Variants in MEI4 observed in about 807,000 individuals in gnomAD.
The protein encoded by MEI4 is meiotic double-stranded break formation protein 4.
In MEI4, 27 loss-of-function variants were observed where a neutral mutation model predicts 31.4. That is an observed-to-expected ratio of 0.86 (90% CI 0.63 to 1.19). The LOEUF is 1.19. MEI4 is among the 50% of genes most tolerant of loss of function. The pLI is 0.00. For missense variants in MEI4, 329 were observed against 398.9 expected (o/e 0.82, Z 1.49); for synonymous variants, 122 against 145.4 (o/e 0.84, Z 1.16).
chr6:77,750,799 C>T (rs189661649), intron 2 of MEI4, among the ~76,000 whole-genome samples: 1 of 152,130 alleles, frequency 6.6e-6, no homozygotes, highest in East Asian at 1.9e-4. Flanking sequence ...ACTCTCCACC[C>T]CAAATCAACA....
chr6:77,919,637 A>G (rs918186962), intron 4 of MEI4, among the ~76,000 whole-genome samples: 1,869 of 151,234 alleles, frequency 0.012, 18 homozygotes, highest in Non-Finnish European at 0.018. Context: ...AAGGCAAGAA[A>G]TAACTAAAAT....
intron 4 of MEI4, among the ~76,000 whole-genome samples, chr6:77,842,355 T>C (rs1770385171): frequency 6.6e-6 from 1 of 152,000 alleles, no homozygotes; most frequent in South Asian, 2.1e-4. Flanking sequence ...AGAAAAAAAT[T>C]GAAGTGAAAG....
At chr6:77,830,883 A>C (rs1187674697) in intron 4 of MEI4, among the ~76,000 whole-genome samples, 7 of 152,090 alleles carry the variant, frequency 4.6e-5, no homozygotes, top group East Asian at 3.8e-4. Flanking sequence ...ACAAACAATA[A>C]AAGCAAAAAT....
At chr6:77,737,397 T>C (rs112203203) in intron 2 of MEI4, among the ~76,000 whole-genome samples, 23 of 152,048 alleles carry the variant, frequency 1.5e-4, no homozygotes, top group African/African-American at 5.3e-4. Flanking sequence ...TAAAAGATTT[T>C]TAGTTGTTCT....
At chr6:77,696,088 T>G (rs1314762522) in intron 2 of MEI4, among the ~76,000 whole-genome samples, 1 of 152,230 alleles carries the variant, frequency 6.6e-6, no homozygotes, top group African/African-American at 2.4e-5. Flanking sequence ...TGTATAAGAA[T>G]GCTTGTGAGT....
Position 77,820,832 on chromosome 6 carries a change from G to C in MEI4, c.769-8099G>C, listed in dbSNP as rs536732435. ...ATACTTCTTTCCTCTGTGAATTCTT[G>C]TTGTTTCTTAGGCCTAAAAAACTTT... On this transcript the variant is annotated intron_variant, in intron 3 of 4. Coordinates refer to ENST00000684080, the MANE Select transcript of MEI4 (RefSeq NM_001322247.2). The surrounding 1 kb of genome is among the most constrained non-coding windows in gnomAD (Gnocchi z 4.5). 6.6e-6 allele frequency among the ~76,000 whole-genome samples: 1 copy of C among 150,852 alleles called. No homozygotes were observed. Among genetic ancestry groups the C allele is most frequent in the Admixed American group, 6.6e-5 (1 of 15,086 alleles).
chr6:77,676,631 A>G (rs937238001), intron 1 of MEI4, among the ~76,000 whole-genome samples: 1 of 152,154 alleles, frequency 6.6e-6, no homozygotes, highest in African/African-American at 2.4e-5. Context: ...GTGGTTGGTG[A>G]CTTCAGGCAA....
At chr6:77,803,685 C>G (rs944359572) in intron 3 of MEI4, among the ~76,000 whole-genome samples, 2 of 152,190 alleles carry the variant, frequency 1.3e-5, no homozygotes, top group African/African-American at 4.8e-5. Context: ...AGTTTTCCTT[C>G]TGTCATTCAG....
At chr6:77,834,623 G>A (rs1014051370) in intron 4 of MEI4, among the ~76,000 whole-genome samples, 1 of 151,902 alleles carries the variant, frequency 6.6e-6, no homozygotes, top group African/African-American at 2.4e-5. Context: ...GGTCCAAGCC[G>A]CTTGCAGTCT....
chr6:77,781,526 C>T (rs549393859), intron 3 of MEI4, among the ~76,000 whole-genome samples: 1 of 152,248 alleles, frequency 6.6e-6, no homozygotes, highest in South Asian at 2.1e-4. Context: ...ATTCAATTCT[C>T]ATTTTTAATA....
In MEI4 at chr6:77,792,436, G is replaced by A. The variant is rs116737587; in HGVS notation, c.768+30771G>A. On this transcript the variant is annotated intron_variant, in intron 3 of 4. Transcript: ENST00000684080. ...ACACTCACACCAGCAGTGTACAAGG[G>A]TTTCATTTTCTGCAAATTCTTGCCA... 4.5e-3 allele frequency among the ~76,000 whole-genome samples: 687 copies of A among 152,118 alleles called. 6 individuals carry two copies. The highest frequency in any genetic ancestry group is 0.016 in the African/African-American group (645 of 41,508).
chr6:77,831,542 C>T (rs1268119657), intron 4 of MEI4, among the ~76,000 whole-genome samples: 1 of 150,128 alleles, frequency 6.7e-6, no homozygotes, highest in African/African-American at 2.4e-5. Context: ...AATAATATTC[C>T]TCTCTCTCTA....
chr6:77,701,648 A>G (rs1254603010), intron 2 of MEI4, among the ~76,000 whole-genome samples: 1 of 152,004 alleles, frequency 6.6e-6, no homozygotes, highest in Non-Finnish European at 1.5e-5. Flanking sequence ...TATATTATGA[A>G]TATATTCATA....
At position 77,803,300 on chromosome 6, in the gene MEI4, C is replaced by T. The variant is rs139038273; in HGVS notation, c.769-25631C>T. 7.8e-3 allele frequency among the ~76,000 whole-genome samples: 1,184 copies of T among 152,306 alleles called. 17 individuals are homozygous for T. Among genetic ancestry groups the T allele is most frequent in the African/African-American group, 0.027 (1,135 of 41,572 alleles). ...GCTTGTGCATTCGTCACATAGCTCT[C>T]ATGCCATGGTTTTCAGCTCCATCAG... is the stretch of plus-strand genomic sequence containing the variant. On this transcript the variant is annotated intron_variant, in intron 3 of 4. Coordinates refer to ENST00000684080, the MANE Select transcript of MEI4 (RefSeq NM_001322247.2).
intron 2 of MEI4, among the ~76,000 whole-genome samples, chr6:77,693,859 T>C (rs1200912895): frequency 6.6e-6 from 1 of 152,136 alleles, no homozygotes; most frequent in Non-Finnish European, 1.5e-5. Flanking sequence ...ACATATTTTT[T>C]CTAGAATTTT....
At chr6:77,784,492 A>G (rs1302111933) in intron 3 of MEI4, among the ~76,000 whole-genome samples, 1 of 152,144 alleles carries the variant, frequency 6.6e-6, no homozygotes, top group Non-Finnish European at 1.5e-5. Context: ...AAATAGATTA[A>G]TGTATCTCTT....
At chr6:77,729,349 G>A (rs1250462730) in intron 2 of MEI4, among the ~76,000 whole-genome samples, 1 of 152,190 alleles carries the variant, frequency 6.6e-6, no homozygotes, top group Non-Finnish European at 1.5e-5. Context: ...TGCAACGTTA[G>A]GCATAAATGG....
chr6:77,670,597 G>A (rs1768719644), intron 1 of MEI4, among the ~76,000 whole-genome samples: 1 of 152,060 alleles, frequency 6.6e-6, no homozygotes, highest in African/African-American at 2.4e-5. Context: ...ATGTATCACA[G>A]CCCCTGACTC....
intron 4 of MEI4, among the ~76,000 whole-genome samples, chr6:77,898,245 G>A (rs1019494201): frequency 6.6e-6 from 1 of 151,748 alleles, no homozygotes; most frequent in African/African-American, 2.4e-5. Flanking sequence ...TTAGAATTCA[G>A]GACTAAAATT....
Sources: allele counts gnomAD v4.1 joint callset (sites outside exome capture counted in the v4.1 genomes callset), GRCh38; gene constraint gnomAD v4.1.1; non-coding constraint Gnocchi (gnomAD v3.1); transcripts MANE v1.5; gene names NCBI Gene and HGNC (gene_info 2026-07-23, HGNC 2026-07-21).